Variants in MVB12B observed in about 807,000 individuals in gnomAD.
The protein encoded by MVB12B is multivesicular body subunit 12B.
Under a neutral mutation model 41.6 loss-of-function variants are expected in MVB12B, and 16 were observed. That is an observed-to-expected ratio of 0.38 (90% CI 0.26 to 0.58). The LOEUF (loss-of-function observed/expected upper bound fraction) is 0.58. MVB12B is among the 20% of genes least tolerant of loss of function. The probability of loss-of-function intolerance (pLI) is 0.62; values close to 1 mark genes in which losing one functional copy is unlikely to be tolerated. For synonymous variants in MVB12B, 133 were observed against 139.7 expected (o/e 0.95, Z 0.34); for missense variants, 274 against 380.2 (o/e 0.72, Z 2.32).
At chr9:126,443,143 G>T (rs1157186381) in intron 7 of MVB12B, among the ~76,000 whole-genome samples, 1 of 152,128 alleles carries the variant, frequency 6.6e-6, no homozygotes, top group Non-Finnish European at 1.5e-5. Context: ...GGATTTTGAT[G>T]GGTGTTCAGC....
At chr9:126,501,827 G>C (rs898562809) in intron 9 of MVB12B, among the ~76,000 whole-genome samples, 1 of 152,154 alleles carries the variant, frequency 6.6e-6, no homozygotes, top group Admixed American at 6.5e-5. Flanking sequence ...GGCTCGCTCT[G>C]GGCAGCAGGG....
chr9:126,434,319 G>T (rs896549239), intron 7 of MVB12B, among the ~76,000 whole-genome samples: 1 of 152,106 alleles, frequency 6.6e-6, no homozygotes, highest in Non-Finnish European at 1.5e-5. Flanking sequence ...AGAGAATAAG[G>T]TTCTTGATTC....
rs1833254426 is a variant in MVB12B at position 126,468,804 on chromosome 9, T to C, written c.758-12565T>C. 6.6e-6 allele frequency among the ~76,000 whole-genome samples: 1 copy of C among 152,232 alleles called. No individual in the cohort carries two copies. Among genetic ancestry groups the C allele is most frequent in the African/African-American group, 2.4e-5 (1 of 41,468 alleles). On this transcript the variant is annotated intron_variant, in intron 7 of 9. Transcript: ENST00000361171. The surrounding 1 kb of genome is among the most constrained non-coding windows in gnomAD (Gnocchi z 4.3). Reference sequence around the variant, plus strand: ...CTTTGGTGGCTCCCCAGGGACCTCATGATGTCCTTCAGTCTGCTGAGAATG... The same window carrying C: ...CTTTGGTGGCTCCCCAGGGACCTCACGATGTCCTTCAGTCTGCTGAGAATG...
At chr9:126,332,229 A>C (rs1287598487) in intron 1 of MVB12B, among the ~76,000 whole-genome samples, 1 of 152,080 alleles carries the variant, frequency 6.6e-6, no homozygotes. Context: ...GTCACCAGGC[A>C]GAAGGAAGAG....
chr9:126,423,629 T>G (rs1832087325), intron 7 of MVB12B, among the ~76,000 whole-genome samples: 1 of 152,190 alleles, frequency 6.6e-6, no homozygotes. Context: ...AGCACCAAAT[T>G]GCTCTGCCAG....
chr9:126,500,102 T>C (rs1833923221), intron 9 of MVB12B, among the ~76,000 whole-genome samples: 1 of 152,098 alleles, frequency 6.6e-6, no homozygotes, highest in Non-Finnish European at 1.5e-5. Context: ...CTGTGGACAC[T>C]CGGGCTGGGG....
At position 126,493,980 on chromosome 9, in the gene MVB12B, C is replaced by T. The variant is rs146870984; in HGVS notation, c.874-9197C>T. Among the ~76,000 whole-genome samples, 492 of 152,244 alleles carry T rather than the reference C, an allele frequency of 3.2e-3. 5 individuals carry two copies. Among genetic ancestry groups the T allele is most frequent in the Non-Finnish European group, 5.2e-3 (356 of 68,016 alleles). ...TCCTGTGTGCCATTGTCCGACACCT[C>T]GGCAGGGACTTGCAGGTCCCCAGGC... On this transcript the variant is annotated intron_variant, in intron 9 of 9. Transcript: ENST00000361171.
chr9:126,400,239 G>T (rs1048098287), intron 6 of MVB12B, among the ~76,000 whole-genome samples: 1 of 152,240 alleles, frequency 6.6e-6, no homozygotes, highest in Non-Finnish European at 1.5e-5. Context: ...GTGTTTCCAG[G>T]TGGGGATGGA....
At chr9:126,345,143 G>A (rs1390724686) in intron 2 of MVB12B, among the ~76,000 whole-genome samples, 1 of 152,152 alleles carries the variant, frequency 6.6e-6, no homozygotes. Context: ...GACAGCTGTG[G>A]TGGGGGTCCA....
At chr9:126,465,659 C>T (rs954156417) in intron 7 of MVB12B, among the ~76,000 whole-genome samples, 1 of 135,034 alleles carries the variant, frequency 7.4e-6, no homozygotes, top group Non-Finnish European at 1.5e-5. Flanking sequence ...CGAGTGGCCT[C>T]CAGATTGGTG....
At chr9:126,442,051 C>T (rs1414897649) in intron 7 of MVB12B, among the ~76,000 whole-genome samples, 2 of 152,172 alleles carry the variant, frequency 1.3e-5, no homozygotes, top group Non-Finnish European at 2.9e-5. Context: ...CCATAATCAT[C>T]TCCTTGACTT....
chr9:126,347,738 C>T (rs1829638036), intron 2 of MVB12B, among the ~76,000 whole-genome samples: 1 of 152,156 alleles, frequency 6.6e-6, no homozygotes, highest in South Asian at 2.1e-4. Flanking sequence ...TTTTAAAAAT[C>T]ACGTTATGAA....
intron 6 of MVB12B, among the ~76,000 whole-genome samples, chr9:126,416,567 G>A (rs997156277): frequency 2.0e-5 from 3 of 152,168 alleles, no homozygotes; most frequent in Non-Finnish European, 4.4e-5. Context: ...GGGACCCTGT[G>A]GCCCTGATTG....
At chr9:126,496,188 CCCACCCACCCACCTACCCACCCGTCCAT>C (rs1029222002) in intron 9 of MVB12B, among the ~76,000 whole-genome samples, 63 of 129,248 alleles carry the variant, frequency 4.9e-4, no homozygotes, top group African/African-American at 1.7e-3. Flanking sequence ...GACTTGTCCA[CCCACCCACCCACCTACCCACCCGTCCAT>C]CCACCCACCC....
intron 7 of MVB12B, chr9:126,427,055 G>A (rs1035185710): frequency 1.3e-5 from 2 of 152,174 alleles, no homozygotes; most frequent in African/African-American, 4.8e-5. Context: ...ATTAAAGCTA[G>A]TAGACGTCTC....
intron 2 of MVB12B, among the ~76,000 whole-genome samples, chr9:126,372,366 T>C (rs937639226): frequency 6.6e-6 from 1 of 152,248 alleles, no homozygotes; most frequent in Admixed American, 6.5e-5. Context: ...GACGCTTGTT[T>C]TCATTTCTCT....
intron 7 of MVB12B, among the ~76,000 whole-genome samples, chr9:126,476,945 GAT>G (rs577631668): frequency 1.1e-4 from 16 of 150,996 alleles, no homozygotes; most frequent in Non-Finnish European, 2.2e-4. Flanking sequence ...TAATATATGT[GAT>G]ATATATATAT....
At chr9:126,332,042 TA>T (rs1460229844) in intron 1 of MVB12B, among the ~76,000 whole-genome samples, 6 of 152,246 alleles carry the variant, frequency 3.9e-5, no homozygotes, top group Non-Finnish European at 7.3e-5. Context: ...TTTGTTTTCT[TA>T]AGCATTTTAT....
At chr9:126,352,254 A>G (rs888213235) in intron 2 of MVB12B, among the ~76,000 whole-genome samples, 20 of 151,970 alleles carry the variant, frequency 1.3e-4, no homozygotes, top group Middle Eastern at 3.2e-3. Flanking sequence ...AATGAATTGG[A>G]AAGTGTTCCA....
Sources: gnomAD v4.1 joint callset for allele counts (sites outside exome capture counted in the v4.1 genomes callset) on GRCh38, gnomAD v4.1.1 for gene constraint, Gnocchi (gnomAD v3.1) non-coding constraint, MANE v1.5 for transcripts, NCBI Gene and HGNC (gene_info 2026-07-23, HGNC 2026-07-21) for gene names.